The following SUGCT variants were observed in gnomAD, a reference collection of about 807,000 sequenced individuals.
The protein encoded by SUGCT is succinyl-CoA:glutarate CoA-transferase.
A neutral mutation model predicts 55.0 loss-of-function variants in SUGCT; 41 were observed. The observed-to-expected ratio is 0.74, with a 90% CI of 0.58 to 0.97. The LOEUF (loss-of-function observed/expected upper bound fraction) is 0.97. Ranked by LOEUF, SUGCT falls within the 50% of genes least tolerant of loss-of-function variation. The pLI, the probability that SUGCT is intolerant of heterozygous loss-of-function variation, is 0.00. For synonymous variants in SUGCT, 187 were observed against 200.4 expected, an observed-to-expected ratio of 0.93 and a Z score of 0.56; for missense variants, 568 against 547.8, an observed-to-expected ratio of 1.04 and a Z score of -0.37.
chr7:40,662,394 T>G (rs1454334151), intron 12 of SUGCT, among the ~76,000 whole-genome samples: 1 of 152,238 alleles, frequency 6.6e-6, no homozygotes, highest in Admixed American at 6.5e-5. Context: ...GATGAGATCA[T>G]GTTATTTCTC....
intron 13 of SUGCT, among the ~76,000 whole-genome samples, chr7:40,841,156 T>C (rs969305990): frequency 6.6e-6 from 1 of 152,116 alleles, no homozygotes; most frequent in Admixed American, 6.5e-5. Flanking sequence ...CCTTTTTACT[T>C]ATTTATTTTT....
chr7:40,895,194 A>C, the SUGCT span, among the ~76,000 whole-genome samples: 1 of 152,178 alleles, frequency 6.6e-6, no homozygotes, highest in Non-Finnish European at 1.5e-5. Context: ...CATTATCCTA[A>C]GCAAACTAAC....
At chr7:40,233,342 C>T (rs1197204363) in intron 6 of SUGCT, among the ~76,000 whole-genome samples, 5 of 152,102 alleles carry the variant, frequency 3.3e-5, no homozygotes, top group Non-Finnish European at 7.4e-5. Flanking sequence ...GCCTCAGCCT[C>T]CCAAGTAGCT....
chr7:40,967,169 C>T, the SUGCT span: 1 of 152,208 alleles, frequency 6.6e-6, no homozygotes, highest in African/African-American at 2.4e-5. Flanking sequence ...TGCCCTCTCT[C>T]CCATCACCAC....
intron 13 of SUGCT, among the ~76,000 whole-genome samples, chr7:40,811,810 G>A (rs916018212): frequency 6.6e-6 from 1 of 152,120 alleles, no homozygotes; most frequent in African/African-American, 2.4e-5. Flanking sequence ...TATTGAATAG[G>A]AGTGGTGAGA....
intron 9 of SUGCT, among the ~76,000 whole-genome samples, chr7:40,369,683 A>G (rs1329764125): frequency 6.6e-6 from 1 of 152,174 alleles, no homozygotes; most frequent in East Asian, 1.9e-4. Flanking sequence ...CTGGATTAGG[A>G]TTAATGTCAG....
At chr7:40,727,859 G>A (rs1241335278) in intron 12 of SUGCT, among the ~76,000 whole-genome samples, 1 of 151,994 alleles carries the variant, frequency 6.6e-6, no homozygotes, top group Non-Finnish European at 1.5e-5. Context: ...ATTACATTAT[G>A]CATTTTTACT....
At chr7:40,679,911 A>G (rs1230910812) in intron 12 of SUGCT, among the ~76,000 whole-genome samples, 4 of 152,212 alleles carry the variant, frequency 2.6e-5, no homozygotes, top group African/African-American at 7.2e-5. Context: ...GCTACTTACC[A>G]TACTGCAGCA....
chr7:40,411,522 A>C (rs1399811633), intron 9 of SUGCT, among the ~76,000 whole-genome samples: 1 of 152,212 alleles, frequency 6.6e-6, no homozygotes, highest in Non-Finnish European at 1.5e-5. Flanking sequence ...AAATAGAGAA[A>C]GACAAGTAGT....
intron 13 of SUGCT, chr7:40,793,099 C>T (rs1247041624): frequency 1.3e-5 from 2 of 152,074 alleles, no homozygotes; most frequent in Non-Finnish European, 2.9e-5. Flanking sequence ...AATTAGATTT[C>T]ATGAGTTACT....
At chr7:40,920,878 C>G in the SUGCT span, among the ~76,000 whole-genome samples, 2 of 152,194 alleles carry the variant, frequency 1.3e-5, no homozygotes, top group Non-Finnish European at 2.9e-5. Context: ...CTGAAAGCCT[C>G]AGAAGGAAAA....
chr7:40,464,405 AG>A (rs1248738838), intron 11 of SUGCT, among the ~76,000 whole-genome samples: 2 of 152,228 alleles, frequency 1.3e-5, no homozygotes, highest in African/African-American at 4.8e-5. Flanking sequence ...CTGGGAAATC[AG>A]GGAAGGCTTC....
chr7:40,559,308 G>A (rs546570270), intron 12 of SUGCT, among the ~76,000 whole-genome samples: 1 of 152,222 alleles, frequency 6.6e-6, no homozygotes, highest in Non-Finnish European at 1.5e-5. Flanking sequence ...CTCCAATTTA[G>A]CTTTGGCAAT....
At chr7:40,700,405 A>G (rs138194996) in intron 12 of SUGCT, among the ~76,000 whole-genome samples, 552 of 152,320 alleles carry the variant, frequency 3.6e-3, no homozygotes, top group Non-Finnish European at 6.0e-3. Flanking sequence ...TGAGAAATCT[A>G]AGCATTGAAT....
chr7:40,291,057 G>T (rs909614457), intron 8 of SUGCT, among the ~76,000 whole-genome samples: 16 of 152,100 alleles, frequency 1.1e-4, no homozygotes, highest in African/African-American at 3.6e-4. Context: ...ACTGTTGGTG[G>T]GACTGTAAAC....
At chr7:40,263,811 C>T (rs1791382330) in intron 7 of SUGCT, among the ~76,000 whole-genome samples, 1 of 152,038 alleles carries the variant, frequency 6.6e-6, no homozygotes, top group Admixed American at 6.6e-5. Flanking sequence ...AGTCCACCTG[C>T]AATGAAGATC....
At chr7:40,934,368 G>T in the SUGCT span, among the ~76,000 whole-genome samples, 1 of 152,188 alleles carries the variant, frequency 6.6e-6, no homozygotes, top group Non-Finnish European at 1.5e-5. Flanking sequence ...CTACTGGGAG[G>T]TGTCTCCCAG....
chr7:40,682,382 G>A (rs1475235725), intron 12 of SUGCT, among the ~76,000 whole-genome samples: 1 of 152,204 alleles, frequency 6.6e-6, no homozygotes, highest in Non-Finnish European at 1.5e-5. Context: ...ACCCAAGAAG[G>A]GGGACCAGGA....
At chr7:40,452,490 T>C (rs1169521716) in intron 10 of SUGCT, among the ~76,000 whole-genome samples, 1 of 152,084 alleles carries the variant, frequency 6.6e-6, no homozygotes, top group African/African-American at 2.4e-5. Context: ...GAAACTTCAG[T>C]TTTAAGAAGG....
Sources: allele counts gnomAD v4.1 joint callset (sites outside exome capture counted in the v4.1 genomes callset), GRCh38; gene constraint gnomAD v4.1.1; transcripts MANE v1.5; gene names NCBI Gene and HGNC (gene_info 2026-07-23, HGNC 2026-07-21).